COX15: variants seen among roughly 807,000 people sequenced by gnomAD.
COX15 encodes the protein heme A synthase COX15.
In COX15, 51 loss-of-function variants were observed where a neutral mutation model predicts 51.9. The ratio of observed to expected loss-of-function variants is 0.98; its 90% CI spans 0.78 to 1.24. The LOEUF is 1.24. COX15 is among the 50% of genes most tolerant of loss of function. The probability of loss-of-function intolerance (pLI) is 0.00; values close to 1 mark genes in which losing one functional copy is unlikely to be tolerated. For missense variants in COX15, 420 were observed against 501.1 expected (o/e 0.84, Z 1.55); for synonymous variants, 188 against 190.5 (o/e 0.99, Z 0.11).
chr10:99,717,063 T>G (rs1211707770), intron 7 of COX15, among the ~76,000 whole-genome samples: 1 of 152,178 alleles, frequency 6.6e-6, no homozygotes, highest in African/African-American at 2.4e-5. Flanking sequence ...CAATGACAAT[T>G]TCAACCAGGC....
chr10:99,705,237 T>C, the COX15 span: 8 of 159,242 alleles, frequency 5.0e-5, no homozygotes, highest in Non-Finnish European at 1.1e-4. Flanking sequence ...CTTGCTTCCT[T>C]GACAAAGAAG....
At chr10:99,701,334 C>T in the COX15 span, among the ~76,000 whole-genome samples, 2 of 150,726 alleles carry the variant, frequency 1.3e-5, no homozygotes, top group Non-Finnish European at 2.9e-5. Flanking sequence ...GTTGCCCAGG[C>T]TGGAGTGCAG....
At chr10:99,716,793 T>C (rs2036595179) in intron 7 of COX15, 1 of 290,550 alleles carries the variant, frequency 3.4e-6, no homozygotes. Flanking sequence ...CCTAACCATA[T>C]CTCTAATCCT....
chr10:99,708,541 A>G (rs147059330), downstream of COX15, among the ~76,000 whole-genome samples: 1 of 152,332 alleles, frequency 6.6e-6, no homozygotes, highest in African/African-American at 2.4e-5. Context: ...GAGGCTAGAC[A>G]AGATTAGAAA....
chr10:99,725,867 C>T (rs184467013), intron 4 of COX15, among the ~76,000 whole-genome samples: 1 of 152,284 alleles, frequency 6.6e-6, no homozygotes, highest in East Asian at 1.9e-4. Flanking sequence ...TTCTAACTGA[C>T]TCATTTTCTT....
Position 99,712,130 on chromosome 10 carries a change from A to C in COX15, c.*2457T>G. 1.4e-6 allele frequency: 1 copy of C among 715,334 alleles called. No individual in the cohort carries two copies. 44.3% of individuals were successfully genotyped at this position (715,334 alleles called of 1,614,324 possible). On this transcript the variant is annotated 3_prime_UTR_variant, in exon 9 of 9. Coordinates refer to ENST00000016171, the MANE Select transcript of COX15 (RefSeq NM_078470.6). Reference sequence around the variant, plus strand: ...ATAAGGGATCCGCCCCCATGACCCAAATACCTCCTACTAGGCCCACCTCTA... The same window carrying C: ...ATAAGGGATCCGCCCCCATGACCCACATACCTCCTACTAGGCCCACCTCTA...
intron 2 of COX15, 109 bp downstream of exon 2, chr10:99,729,444 A>G: frequency 1.6e-6 from 2 of 1,218,310 alleles, no homozygotes; most frequent in South Asian, 1.2e-5. Flanking sequence ...TGGCCAACAG[A>G]GCAAGACTCT....
intron 5 of COX15, among the ~76,000 whole-genome samples, chr10:99,723,272 A>G (rs372835694): frequency 6.6e-6 from 1 of 151,864 alleles, no homozygotes; most frequent in African/African-American, 2.4e-5. Context: ...CCTCTCGAGT[A>G]GCTGGGATTA....
intron 3 of COX15, 108 bp from the exon 4 acceptor site, chr10:99,727,262 T>C: frequency 7.0e-7 from 1 of 1,430,422 alleles, no homozygotes; most frequent in Non-Finnish European, 9.7e-7. Context: ...ACTTGGTAGG[T>C]CTGCCCTCTT....
rs1802213 is a variant in COX15, at chr10:99,712,497, C to T, written c.*2090G>A. ...ATTAAACATTTATATCTGAATCCAGCATCTCTTTTTGCTTTGTAAATGAGG... is the reference window on the plus strand; with the variant it reads ...ATTAAACATTTATATCTGAATCCAGTATCTCTTTTTGCTTTGTAAATGAGG... On this transcript the variant is annotated 3_prime_UTR_variant, in exon 9 of 9. Transcript: ENST00000016171. The T allele has an allele frequency of 4.1e-6, 4 of 985,418 alleles. No individual in the cohort carries two copies. The highest frequency in any genetic ancestry group is 2.4e-6 in the Non-Finnish European group (2 of 829,910). 61.0% of individuals were successfully genotyped at this position (985,418 alleles called of 1,614,324 possible).
chr10:99,711,459 C>T lies in COX15; in HGVS notation c.*3128G>A. The T allele has an allele frequency of 1.0e-6, 1 of 984,734 alleles. No individual in the cohort carries two copies. Among genetic ancestry groups the T allele is most frequent in the Non-Finnish European group, 1.2e-6 (1 of 829,360 alleles). The allele number at this position is 984,734 out of a possible 1,614,324, so 61.0% of individuals were successfully genotyped here. On this transcript the variant is annotated 3_prime_UTR_variant, in exon 9 of 9. Coordinates refer to ENST00000016171, the MANE Select transcript of COX15 (RefSeq NM_078470.6). ...GAAGAGACCATATCCTACTAACATA[C>T]TAATAGGAGCAACATAGCAGATCAA...
chr10:99,725,535 A>G (rs1441729630), intron 4 of COX15, among the ~76,000 whole-genome samples: 1 of 151,704 alleles, frequency 6.6e-6, no homozygotes, highest in Non-Finnish European at 1.5e-5. Flanking sequence ...CTTCTCTCTC[A>G]TCTCCCTCCT....
intron 1 of COX15, 152 bp from the exon 2 acceptor site, chr10:99,729,886 C>A: frequency 1.2e-6 from 1 of 814,668 alleles, no homozygotes; most frequent in Non-Finnish European, 2.0e-6. Context: ...CTGCATCAGC[C>A]TTCCAACTGG....
the COX15 span, chr10:99,704,723 T>C: frequency 1.9e-6 from 3 of 1,549,230 alleles, no homozygotes; most frequent in East Asian, 7.0e-5. Context: ...ACCCCCGAGT[T>C]GCTGCTCATT....
chr10:99,701,371 T>C, the COX15 span, among the ~76,000 whole-genome samples: 688 of 151,614 alleles, frequency 4.5e-3, 5 homozygotes, highest in South Asian at 0.015. Flanking sequence ...CACTGCAACC[T>C]CCGCCTCCTG....
At position 99,711,390 on chromosome 10, in the gene COX15, T is replaced by C. The variant is rs888969272; in HGVS notation, c.*3197A>G. 3 of 985,302 alleles carry C rather than the reference T, an allele frequency of 3.0e-6. No individual in the cohort carries two copies. Among genetic ancestry groups the C allele is most frequent in the African/African-American group, 3.5e-5 (2 of 57,232 alleles). 61.0% of individuals were successfully genotyped at this position (985,302 alleles called of 1,614,324 possible). On this transcript the variant is annotated 3_prime_UTR_variant, in exon 9 of 9. Transcript: ENST00000016171. ...ATCAGGAGAGGATGGTGTGGGAACC[T>C]GCCTCAGGAACTACAGTTCCCTTTC...
chr10:99,720,419 C>G (rs1299767541), intron 6 of COX15, among the ~76,000 whole-genome samples: 1 of 152,120 alleles, frequency 6.6e-6, no homozygotes, highest in African/African-American at 2.4e-5. Context: ...GCACTCCAGC[C>G]TGGGCAACAG....
chr10:99,701,850 C>T, the COX15 span, among the ~76,000 whole-genome samples: 2 of 151,610 alleles, frequency 1.3e-5, no homozygotes, highest in African/African-American at 4.8e-5. Context: ...GAGTTCAAGA[C>T]CAGCCTGGCT....
chr10:99,706,224 A>C (rs190725013), downstream of COX15: 53 of 152,370 alleles, frequency 3.5e-4, no homozygotes, highest in Non-Finnish European at 6.2e-4. Context: ...CCTAGAAATA[A>C]ACTAAGATAA....
Sources: allele counts gnomAD v4.1 joint callset (sites outside exome capture counted in the v4.1 genomes callset), GRCh38; gene constraint gnomAD v4.1.1; transcripts MANE v1.5; gene names NCBI Gene and HGNC (gene_info 2026-07-23, HGNC 2026-07-21).